PLXND1: variants seen among roughly 807,000 people sequenced by gnomAD.
PLXND1 encodes the protein plexin-D1.
Under a neutral mutation model 197.7 loss-of-function variants are expected in PLXND1, and 54 were observed. The ratio of observed to expected loss-of-function variants is 0.27; its 90% CI spans 0.22 to 0.34. PLXND1 has a LOEUF of 0.34. Ranked by LOEUF, PLXND1 falls within the 10% of genes least tolerant of loss-of-function variation. The pLI is 1.00. For missense variants in PLXND1, 2,127 were observed against 2,699.2 expected (o/e 0.79, Z 4.70); for synonymous variants, 1,180 against 1,161.2 (o/e 1.02, Z -0.33).
At chr3:129,567,442 G>A in intron 22 of PLXND1, 50 bp downstream of exon 22, 1 of 1,095,434 alleles carries the variant, frequency 9.1e-7, no homozygotes, top group Non-Finnish European at 1.4e-6. Flanking sequence ...AGGTCGAGTT[G>A]CCTTGAGGTG....
rs2084965122 is a variant in PLXND1, at chr3:129,555,811, A to G, written c.*501T>C. On this transcript the variant is annotated 3_prime_UTR_variant, in exon 36 of 36. Transcript: ENST00000324093. ...AAACTGTCTGTGGCCAGGATCCTCT[A>G]CGGGTGAGGGGGAAGTGGAGATAAC... 2.5e-6 allele frequency: 1 copy of G among 406,222 alleles called. No homozygotes were observed. The highest frequency in any genetic ancestry group is 4.7e-5 in the East Asian group (1 of 21,382). The allele number at this position is 406,222 out of a possible 1,614,324, so 25.2% of individuals were successfully genotyped here.
chr3:129,559,239 G>A, intron 32 of PLXND1: 1 of 177,620 alleles, frequency 5.6e-6, no homozygotes. Context: ...ATAATGTAGG[G>A]CCGAGCCTGG....
chr3:129,595,088 C>G (rs2108800484), intron 1 of PLXND1, among the ~76,000 whole-genome samples: 1 of 149,134 alleles, frequency 6.7e-6, no homozygotes, highest in South Asian at 2.1e-4. Context: ...TCCTCCTGGG[C>G]TCCCCTGAGT....
chr3:129,600,472 C>T (rs1226443603), intron 1 of PLXND1, among the ~76,000 whole-genome samples: 1 of 152,054 alleles, frequency 6.6e-6, no homozygotes, highest in Non-Finnish European at 1.5e-5. Flanking sequence ...TACCCACATC[C>T]TAGGAGGGAG....
chr3:129,589,372 C>T lies in PLXND1; in HGVS notation c.1467G>A (p.Thr489=), dbSNP rs369361645. 6.8e-6 allele frequency: 11 copies of T among 1,608,088 alleles called. No individual in the cohort carries two copies. Among genetic ancestry groups the T allele is most frequent in the African/African-American group, 1.3e-5 (1 of 74,364 alleles). Residue 489 remains threonine, a synonymous_variant, in exon 2 of 36, where the codon ACG becomes ACA. Coordinates refer to ENST00000324093, the MANE Select transcript of PLXND1 (RefSeq NM_015103.3). ...VNNYTAVFLG[T]VNGRLLKINL... ...CTACCTTGAGAAGCCTCCCGTTGACCGTGCCCAGGAAGACCGCTGTGTAGT... is the reference window on the plus strand; with the variant it reads ...CTACCTTGAGAAGCCTCCCGTTGACTGTGCCCAGGAAGACCGCTGTGTAGT...
At chr3:129,581,550 T>A (rs1192890779) in intron 8 of PLXND1, among the ~76,000 whole-genome samples, 1 of 152,254 alleles carries the variant, frequency 6.6e-6, no homozygotes, top group Non-Finnish European at 1.5e-5. Flanking sequence ...AGGTGCATGG[T>A]GGCTTTGTAG....
chr3:129,558,312 T>C lies in PLXND1; in HGVS notation c.5445+116A>G. ...ATCCCCTAGACCTGAGATCTTTTGG[T>C]TCCCCTCCCAGGAAGATCTCTGAGC... is the stretch of plus-strand genomic sequence containing the variant. On this transcript the variant is annotated intron_variant, in intron 33 of 35. Coordinates refer to ENST00000324093, the MANE Select transcript of PLXND1 (RefSeq NM_015103.3). This position sits in a 1 kb window ranked among gnomAD's most constrained non-coding sequence, Gnocchi z 4.1. The C allele has an allele frequency of 9.8e-7, 1 of 1,016,278 alleles. No individual in the cohort carries two copies. The highest frequency in any genetic ancestry group is 1.4e-6 in the Non-Finnish European group (1 of 690,882). The allele number at this position is 1,016,278 out of a possible 1,614,324, so 63.0% of individuals were successfully genotyped here.
intron 1 of PLXND1, among the ~76,000 whole-genome samples, chr3:129,590,122 G>A (rs1487004086): frequency 1.3e-5 from 2 of 152,032 alleles, no homozygotes; most frequent in South Asian, 2.1e-4. Flanking sequence ...TCCCTAAACC[G>A]CAGCCTTTCT....
intron 1 of PLXND1, among the ~76,000 whole-genome samples, chr3:129,600,630 CCTAT>C (rs1407636623): frequency 2.0e-5 from 3 of 151,814 alleles, no homozygotes; most frequent in Admixed American, 6.6e-5. Context: ...TGGTCCAAGC[CCTAT>C]CTGTTTCTCC....
chr3:129,556,567 T>C (rs1181724290), intron 35 of PLXND1, 50 bp downstream of exon 35: 3 of 1,424,368 alleles, frequency 2.1e-6, no homozygotes, highest in East Asian at 2.3e-5. Context: ...TGTCCTTGAG[T>C]AGGAAGCTCA....
chr3:129,556,054 C>A lies in PLXND1; in HGVS notation c.*258G>T. 1 of 475,372 alleles carries A rather than the reference C, an allele frequency of 2.1e-6. No individual in the cohort carries two copies. The highest frequency in any genetic ancestry group is 3.8e-6 in the Non-Finnish European group (1 of 260,528). 29.4% of individuals were successfully genotyped at this position (475,372 alleles called of 1,614,324 possible). ...TGGGCACAGTGCAGGCCGTGCTGGG[C>A]AGATGGGGGAGCCTGACCAGCTCTC... On this transcript the variant is annotated 3_prime_UTR_variant, in exon 36 of 36. Transcript: ENST00000324093.
In PLXND1 at chr3:129,602,725, A is replaced by G. The variant is rs538898946; in HGVS notation, c.1311+2604T>C. On this transcript the variant is annotated intron_variant, in intron 1 of 35. Coordinates refer to ENST00000324093, the MANE Select transcript of PLXND1 (RefSeq NM_015103.3). ...GCAACTGCTCTCCAGGACCAAGCAG[A>G]GACCTGTGCTAATAATGTCCCTTAG... Among the ~76,000 whole-genome samples, 54 of 152,352 alleles carry G rather than the reference A, an allele frequency of 3.5e-4. 2 individuals carry two copies. The highest frequency in any genetic ancestry group is 2.0e-3 in the Admixed American group (30 of 15,302).
intron 1 of PLXND1, among the ~76,000 whole-genome samples, chr3:129,596,392 G>A (rs1000508576): frequency 6.6e-6 from 1 of 152,286 alleles, no homozygotes; most frequent in East Asian, 1.9e-4. Context: ...TTAGCTGGAC[G>A]CAGCCCCTAG....
chr3:129,561,726 G>C lies in PLXND1; in HGVS notation c.4930-17C>G. 1 of 1,594,234 alleles carries C rather than the reference G, an allele frequency of 6.3e-7. No homozygotes were observed. Among genetic ancestry groups the C allele is most frequent in the Non-Finnish European group, 8.6e-7 (1 of 1,169,410 alleles). On this transcript the variant is annotated splice_polypyrimidine_tract_variant and intron_variant, in intron 28 of 35. Coordinates refer to ENST00000324093, the MANE Select transcript of PLXND1 (RefSeq NM_015103.3). ...TTCAGGGATCTGATGGGAGGGGAGA[G>C]GCCGAGGTCAGAGGCCGGAGGTTGG...
chr3:129,595,192 A>G (rs985208749), intron 1 of PLXND1, among the ~76,000 whole-genome samples: 1 of 152,208 alleles, frequency 6.6e-6, no homozygotes, highest in Non-Finnish European at 1.5e-5. Flanking sequence ...CAGGGTATGA[A>G]GCCACACCTG....
In PLXND1 at chr3:129,556,113, G is replaced by A. The variant is rs773126527; in HGVS notation, c.*199C>T. On this transcript the variant is annotated 3_prime_UTR_variant, in exon 36 of 36. Transcript: ENST00000324093. Reference sequence around the variant, plus strand: ...ATCCCAGAGACTGATCTGGGGACAGGTGGGAGGGGATGGAGGTGCCCAGGG... The same window carrying A: ...ATCCCAGAGACTGATCTGGGGACAGATGGGAGGGGATGGAGGTGCCCAGGG... 1.8e-4 allele frequency: 103 copies of A among 569,060 alleles called. No homozygotes were observed. The highest frequency in any genetic ancestry group is 3.0e-4 in the Non-Finnish European group (96 of 316,610). The allele number at this position is 569,060 out of a possible 1,614,324, so 35.3% of individuals were successfully genotyped here.
Position 129,575,488 on chromosome 3 carries a change from G to T in PLXND1, c.2511C>A (p.Asp837Glu), listed in dbSNP as rs1420841498. ...GCCCACCTGTCATGGGCTCAGGGCTGTCCAGGAATCGGGCTGGCCGCCCCT... is the reference window on the plus strand; with the variant it reads ...GCCCACCTGTCATGGGCTCAGGGCTTTCCAGGAATCGGGCTGGCCGCCCCT... ...QLKGRPARFL[D>E]SPEPMTVMVY... The change falls in exon 11 of 36, where the codon GAC (aspartate) becomes GAA (glutamate). Residue 837 changes from aspartate (D) to glutamate (E), a missense_variant. Around this residue, in one of 6 missense-constraint regions of PLXND1, gnomAD observed 1,095 missense variants for 1,259.8 expected, o/e 0.87. Coordinates refer to ENST00000324093, the MANE Select transcript of PLXND1 (RefSeq NM_015103.3). 5.8e-6 allele frequency: 9 copies of T among 1,553,432 alleles called. No homozygotes were observed. The highest frequency in any genetic ancestry group is 1.4e-5 in the African/African-American group (1 of 73,230).
At chr3:129,562,974 G>T in intron 26 of PLXND1, 31 bp from the exon 27 acceptor site, 1 of 1,603,384 alleles carries the variant, frequency 6.2e-7, no homozygotes, top group Non-Finnish European at 8.5e-7. Flanking sequence ...AGAAAGGTCA[G>T]TGAGTTGCTG....
intron 34 of PLXND1, 60 bp from the exon 35 acceptor site, chr3:129,556,751 A>G: frequency 8.3e-7 from 1 of 1,208,446 alleles, no homozygotes; most frequent in South Asian, 1.3e-5. Flanking sequence ...GCCTAGTCCC[A>G]GCAAAGCCAG....
Sources: allele counts gnomAD v4.1 joint callset (sites outside exome capture counted in the v4.1 genomes callset), GRCh38; gene constraint gnomAD v4.1.1; regional missense constraint gnomAD v4.1.1; non-coding constraint Gnocchi (gnomAD v3.1); transcripts MANE v1.5; gene names NCBI Gene and HGNC (gene_info 2026-07-23, HGNC 2026-07-21).